The following CPAMD8 variants were observed in gnomAD, a reference collection of about 807,000 sequenced individuals.
CPAMD8 encodes C3 and PZP-like alpha-2-macroglobulin domain-containing protein 8.
CPAMD8 carries 146 observed loss-of-function variants against 224.7 expected under a neutral mutation model. That is an observed-to-expected ratio of 0.65 (90% CI 0.57 to 0.75). The LOEUF (loss-of-function observed/expected upper bound fraction) is 0.75, where lower values mean the gene tolerates loss of function less well. Ranked by LOEUF, CPAMD8 falls within the 30% of genes least tolerant of loss-of-function variation. The probability of loss-of-function intolerance (pLI) is 0.00; values close to 1 mark genes in which losing one functional copy is unlikely to be tolerated. For synonymous variants in CPAMD8, 966 were observed against 1,044.6 expected (o/e 0.92, Z 1.45); for missense variants, 2,301 against 2,537.5 (o/e 0.91, Z 2.00).
At chr19:16,913,701 G>A (rs548659038) in intron 29 of CPAMD8, among the ~76,000 whole-genome samples, 1 of 152,260 alleles carries the variant, frequency 6.6e-6, no homozygotes, top group South Asian at 2.1e-4. Flanking sequence ...CACAAGGCAA[G>A]GGGCCCTCTG....
rs749544754 is a variant in CPAMD8 at position 16,907,075 on chromosome 19, A to T, written c.3904T>A (p.Ser1302Thr). 2 of 1,593,688 alleles carry T rather than the reference A, an allele frequency of 1.3e-6. No homozygotes were observed. The highest frequency in any genetic ancestry group is 2.3e-5 in the East Asian group (1 of 44,250). The change falls in exon 30 of 42, where the codon TCT (serine) becomes ACT (threonine). Residue 1302 changes from serine to threonine, a missense_variant. By Grantham distance (58) the Ser-to-Thr change is moderately conservative. Transcript: ENST00000443236. ...GGGTCCATGGCCAGGGGCGCAGCAG[A>T]CTCCAGGAAGTGCCTCGCTTTGTCA... Reference protein sequence around the residue: ...STDKARHFLESAAPLAMDPYS... With the variant: ...STDKARHFLETAAPLAMDPYS...
intron 6 of CPAMD8, 29 bp downstream of exon 6, chr19:17,009,274 C>A: frequency 6.2e-7 from 1 of 1,613,950 alleles, no homozygotes; most frequent in Admixed American, 1.7e-5. Context: ...GCCCCAAGTC[C>A]AAGCCGAGGA....
intron 22 of CPAMD8, among the ~76,000 whole-genome samples, chr19:16,938,831 G>A (rs772185621): frequency 5.3e-5 from 8 of 152,170 alleles, no homozygotes; most frequent in Non-Finnish European, 1.2e-4. Flanking sequence ...TTTGACATCC[G>A]TGAGCACTGT....
intron 13 of CPAMD8, among the ~76,000 whole-genome samples, chr19:16,988,551 A>G (rs1049323997): frequency 4.6e-5 from 7 of 152,118 alleles, no homozygotes; most frequent in African/African-American, 1.7e-4. Context: ...CGGAAGTTGC[A>G]GTGAGCTGAG....
intron 13 of CPAMD8, among the ~76,000 whole-genome samples, chr19:16,987,831 T>C (rs1199271042): frequency 2.0e-5 from 3 of 151,876 alleles, no homozygotes; most frequent in Non-Finnish European, 4.4e-5. Flanking sequence ...TTTTTTGTTT[T>C]TGTTTTTGTT....
chr19:16,930,616 C>T (rs1477737734), intron 23 of CPAMD8, among the ~76,000 whole-genome samples: 1 of 152,016 alleles, frequency 6.6e-6, no homozygotes, highest in African/African-American at 2.4e-5. Flanking sequence ...GTGAGTGAAC[C>T]CCCGTGGTCC....
chr19:16,904,443 C>T (rs1325689955), intron 31 of CPAMD8, 23 bp downstream of exon 31: 1 of 1,613,966 alleles, frequency 6.2e-7, no homozygotes, highest in Admixed American at 1.7e-5. Context: ...AGGCAGGCAC[C>T]CGGGAGCTGG....
intron 18 of CPAMD8, among the ~76,000 whole-genome samples, chr19:16,963,281 C>G (rs1478427716): frequency 6.6e-6 from 1 of 152,132 alleles, no homozygotes; most frequent in East Asian, 1.9e-4. Flanking sequence ...CATTATTGTG[C>G]TGTATTCAGG....
chr19:16,998,750 A>T (rs2056214504), intron 10 of CPAMD8, among the ~76,000 whole-genome samples: 2 of 152,238 alleles, frequency 1.3e-5, no homozygotes, highest in Admixed American at 6.5e-5. Flanking sequence ...AAAATAGTGC[A>T]GCCACATTGA....
At chr19:16,973,827 C>CTTTTT (rs559363114) in intron 17 of CPAMD8, among the ~76,000 whole-genome samples, 2 of 118,326 alleles carry the variant, frequency 1.7e-5, no homozygotes, top group African/African-American at 3.6e-5. Context: ...AGCATTAGCC[C>CTTTTT]TTTTTTTTTT....
At chr19:16,977,289 C>A in intron 15 of CPAMD8, 79 bp downstream of exon 15, 1 of 893,282 alleles carries the variant, frequency 1.1e-6, no homozygotes, top group Non-Finnish European at 1.8e-6. Context: ...CTCAGGTGTG[C>A]ACAGACCCCC....
chr19:17,008,124 G>A (rs545886464), intron 7 of CPAMD8, among the ~76,000 whole-genome samples: 15 of 152,326 alleles, frequency 9.8e-5, no homozygotes, highest in African/African-American at 3.4e-4. Flanking sequence ...AGCTGAGATT[G>A]TGCCACTGCA....
In CPAMD8 at chr19:16,892,955, A is replaced by C. The variant is rs528090694; in HGVS notation, c.*153T>G. ...GTTCATGTGCACCCCAGAACATGTG[A>C]GTAAGATCAGTAACGTGTATTCTTG... On this transcript the variant is annotated 3_prime_UTR_variant, in exon 42 of 42. Coordinates refer to ENST00000443236, the MANE Select transcript of CPAMD8 (RefSeq NM_015692.5). 4 of 760,630 alleles carry C rather than the reference A, an allele frequency of 5.3e-6. No individual in the cohort carries two copies. The East Asian group carries it at 9.7e-5, about 19-fold the overall frequency. The allele number at this position is 760,630 out of a possible 1,614,324, so 47.1% of individuals were successfully genotyped here. A position where few individuals can be genotyped will look rare whatever the true frequency, so the allele number is the denominator to read the frequency against.
chr19:16,967,911 A>G (rs907600237), intron 18 of CPAMD8, among the ~76,000 whole-genome samples: 1 of 148,962 alleles, frequency 6.7e-6, no homozygotes, highest in Non-Finnish European at 1.5e-5. Flanking sequence ...ATATATGTGC[A>G]TATATACACA....
intron 19 of CPAMD8, among the ~76,000 whole-genome samples, chr19:16,952,900 T>C (rs1182547392): frequency 6.6e-6 from 1 of 152,138 alleles, no homozygotes; most frequent in Non-Finnish European, 1.5e-5. Context: ...TTTACATGGA[T>C]CTCAAGGGAT....
chr19:16,985,347 G>A (rs2055679064), intron 13 of CPAMD8, among the ~76,000 whole-genome samples: 1 of 150,894 alleles, frequency 6.6e-6, no homozygotes, highest in Non-Finnish European at 1.5e-5. Flanking sequence ...AAGGGCGGAT[G>A]GATGGATGGA....
At chr19:16,928,919 C>A in intron 24 of CPAMD8, 23 bp downstream of exon 24, 2 of 1,564,108 alleles carry the variant, frequency 1.3e-6, no homozygotes, top group South Asian at 1.2e-5. Flanking sequence ...TCTGCACAAG[C>A]CCCAGGCAGT....
chr19:16,914,361 G>A, intron 29 of CPAMD8, 63 bp downstream of exon 29: 1 of 1,374,538 alleles, frequency 7.3e-7, no homozygotes. Context: ...ATAAAGGAGG[G>A]AACCTTCCAT....
At chr19:17,003,348 G>A (rs1445647025) in intron 8 of CPAMD8, among the ~76,000 whole-genome samples, 3 of 151,878 alleles carry the variant, frequency 2.0e-5, no homozygotes, top group South Asian at 2.1e-4. Context: ...CTACAGGCAC[G>A]TGCCACCATG....
Sources: allele counts gnomAD v4.1 joint callset (sites outside exome capture counted in the v4.1 genomes callset), GRCh38; gene constraint gnomAD v4.1.1; transcripts MANE v1.5; gene names NCBI Gene and HGNC (gene_info 2026-07-23, HGNC 2026-07-21).